TPP2: variants seen among roughly 807,000 people sequenced by gnomAD.
TPP2 encodes tripeptidyl-peptidase 2.
In TPP2, 34 loss-of-function variants were observed where a neutral mutation model predicts 155.9. That is an observed-to-expected ratio of 0.22 (90% CI 0.17 to 0.29). TPP2 has a LOEUF of 0.29. Ranked by LOEUF, TPP2 falls within the 10% of genes least tolerant of loss-of-function variation. The pLI is 1.00. For synonymous variants in TPP2, 510 were observed against 529.4 expected, an observed-to-expected ratio of 0.96 and a Z score of 0.50; for missense variants, 1,028 against 1,522.3, an observed-to-expected ratio of 0.68 and a Z score of 5.40.
chr13:102,677,092 C>T (rs943185305), intron 29 of TPP2, among the ~76,000 whole-genome samples: 5 of 152,162 alleles, frequency 3.3e-5, no homozygotes, highest in Admixed American at 2.6e-4. Context: ...GTAGGTTCCT[C>T]TGAAAATGTT....
At chr13:102,616,902 T>C (rs1217182876) in intron 4 of TPP2, among the ~76,000 whole-genome samples, 1 of 144,496 alleles carries the variant, frequency 6.9e-6, no homozygotes, top group Non-Finnish European at 1.5e-5. Flanking sequence ...TAGTATGGTT[T>C]TGTTTTTTGT....
At position 102,616,412 on chromosome 13, in the gene TPP2, A is replaced by T. The variant is rs1555298003; in HGVS notation, c.407A>T (p.Lys136Ile). The T allele has an allele frequency of 1.9e-6, 3 of 1,610,470 alleles. No homozygotes were observed. Among genetic ancestry groups the T allele is most frequent in the Non-Finnish European group, 2.5e-6 (3 of 1,178,876 alleles). The change falls in exon 4 of 30, where the codon AAA becomes ATA. Residue 136 changes from lysine to isoleucine, a missense_variant. Lys to Ile is a moderately radical substitution (Grantham distance 102). This residue lies in a region of TPP2 where 300 missense variants were observed against 398.3 expected (regional missense o/e 0.75). Coordinates refer to ENST00000376052, the MANE Select transcript of TPP2 (RefSeq NM_001330588.2). ...TCTTTGCAGAAAGAACGGAAGGAAAAAATCTGGGACCCTGTTCACAGAGTG... is the reference window on the plus strand; with the variant it reads ...TCTTTGCAGAAAGAACGGAAGGAAATAATCTGGGACCCTGTTCACAGAGTG... Reference protein sequence around the residue: ...KERIQKERKEKIWDPVHRVAL... With the variant: ...KERIQKERKEIIWDPVHRVAL...
intron 1 of TPP2, among the ~76,000 whole-genome samples, chr13:102,598,383 C>T (rs1186376746): frequency 6.6e-6 from 1 of 152,124 alleles, no homozygotes; most frequent in African/African-American, 2.4e-5. Context: ...TTGGAAGTAA[C>T]GAGGGGGAGT....
chr13:102,623,419 T>C (rs1881317181), intron 6 of TPP2, among the ~76,000 whole-genome samples: 1 of 152,130 alleles, frequency 6.6e-6, no homozygotes, highest in Admixed American at 6.5e-5. Flanking sequence ...TAGAATTAGC[T>C]GTGCGTGGTG....
Position 102,628,483 on chromosome 13 carries a change from C to T in TPP2, c.1016+559C>T, listed in dbSNP as rs199679901. Among the ~76,000 whole-genome samples the T allele has an allele frequency of 2.0e-5, 3 of 152,258 alleles. No homozygotes were observed. The East Asian group carries it at 5.8e-4, about 29-fold the overall frequency. ...AAACTTACTGTTGGTTGCGTATGTT[C>T]ACTAACTCGGTCAGTTTTCACATCT... On this transcript the variant is annotated intron_variant, in intron 8 of 29. Coordinates refer to ENST00000376052, the MANE Select transcript of TPP2 (RefSeq NM_001330588.2).
chr13:102,654,503 G>T (rs1328627285), intron 24 of TPP2, among the ~76,000 whole-genome samples: 1 of 151,960 alleles, frequency 6.6e-6, no homozygotes, highest in Non-Finnish European at 1.5e-5. Flanking sequence ...AATTTTAATA[G>T]ATTGTTCATT....
chr13:102,605,728 CT>C (rs71125079), intron 2 of TPP2, among the ~76,000 whole-genome samples: 15 of 135,976 alleles, frequency 1.1e-4, no homozygotes, highest in Admixed American at 2.2e-4. Flanking sequence ...TTCTTTTTTT[CT>C]TTTTTTTTTC....
intron 25 of TPP2, among the ~76,000 whole-genome samples, chr13:102,658,057 A>G (rs547122350): frequency 1.3e-5 from 2 of 152,174 alleles, no homozygotes; most frequent in Non-Finnish European, 2.9e-5. Context: ...AACTTTTTAC[A>G]TAAAAGATAT....
At chr13:102,660,807 A>G (rs944786716) in intron 25 of TPP2, among the ~76,000 whole-genome samples, 1 of 152,242 alleles carries the variant, frequency 6.6e-6, no homozygotes, top group Non-Finnish European at 1.5e-5. Flanking sequence ...AATAGAATTA[A>G]GAGTCCAGAA....
Position 102,636,298 on chromosome 13 carries a change from A to T in TPP2, c.1584A>T (p.Gly528=), listed in dbSNP as rs764145004. The T allele has an allele frequency of 6.2e-7, 1 of 1,613,848 alleles. No individual in the cohort carries two copies. Among genetic ancestry groups the T allele is most frequent in the Non-Finnish European group, 8.5e-7 (1 of 1,179,892 alleles). ...ANKLGFTVTV[G]NNRGIYLRDP... Reference sequence around the variant, plus strand: ...AATTAGGTTTTACTGTTACTGTTGGAAATAACCGTGGCATCTACCTCCGAG... The same window carrying T: ...AATTAGGTTTTACTGTTACTGTTGGTAATAACCGTGGCATCTACCTCCGAG... The change falls in exon 13 of 30, where the codon GGA becomes GGT. Residue 528 remains glycine (G), a synonymous_variant. Transcript: ENST00000376052.
chr13:102,623,156 GA>G (rs1323002514), intron 6 of TPP2, 116 bp downstream of exon 6: 2 of 1,123,870 alleles, frequency 1.8e-6, no homozygotes, highest in Non-Finnish European at 2.5e-6. Context: ...GTAGCTAAAG[GA>G]CTAGGTCCAG....
At chr13:102,672,217 G>T (rs1362030783) in intron 27 of TPP2, among the ~76,000 whole-genome samples, 1 of 152,158 alleles carries the variant, frequency 6.6e-6, no homozygotes, top group African/African-American at 2.4e-5. Context: ...AAGAGAGTTA[G>T]CAGTCCCCCT....
intron 2 of TPP2, among the ~76,000 whole-genome samples, chr13:102,609,933 A>T (rs1291156446): frequency 6.6e-6 from 1 of 152,098 alleles, no homozygotes; most frequent in Non-Finnish European, 1.5e-5. Context: ...TTTGGGCAGG[A>T]TGTGGGATGG....
intron 3 of TPP2, 146 bp downstream of exon 3, chr13:102,614,342 G>C (rs1400409810): frequency 3.2e-5 from 20 of 618,488 alleles, no homozygotes; most frequent in African/African-American, 5.6e-5. Flanking sequence ...AACAATGACT[G>C]CTTAAAGATT....
At chr13:102,625,735 A>G (rs1437075214) in intron 6 of TPP2, among the ~76,000 whole-genome samples, 1 of 152,258 alleles carries the variant, frequency 6.6e-6, no homozygotes, top group Non-Finnish European at 1.5e-5. Context: ...TGGCTAGAGC[A>G]GAGGAGTCTC....
At chr13:102,628,921 A>G (rs1013388728) in intron 8 of TPP2, among the ~76,000 whole-genome samples, 1 of 152,080 alleles carries the variant, frequency 6.6e-6, no homozygotes, top group African/African-American at 2.4e-5. Flanking sequence ...GGTCCTGTGC[A>G]TGGCTCTGTA....
chr13:102,636,327 C>G lies in TPP2; in HGVS notation c.1613C>G (p.Pro538Arg), dbSNP rs1267347890. The stretch of plus-strand genomic sequence containing the variant: ...AACCGTGGCATCTACCTCCGAGATC[C>G]TGTTCAGGTGGCTGCACCTTCAGAT... ...GNNRGIYLRD[P>R]VQVAAPSDHG... Residue 538 changes from proline to arginine, a missense_variant, in exon 13 of 30, where the codon CCT (proline) becomes CGT (arginine). By Grantham distance (103) the Pro-to-Arg change is moderately radical. Transcript: ENST00000376052. 2 of 1,613,830 alleles carry G rather than the reference C, an allele frequency of 1.2e-6. No homozygotes were observed. Among genetic ancestry groups the G allele is most frequent in the Admixed American group, 1.7e-5 (1 of 59,970 alleles).
At chr13:102,638,149 A>C in intron 14 of TPP2, 90 bp from the exon 15 acceptor site, 1 of 1,229,446 alleles carries the variant, frequency 8.1e-7, no homozygotes, top group South Asian at 1.2e-5. Flanking sequence ...TTAAAAGTAG[A>C]TTGATTTATT....
intron 11 of TPP2, among the ~76,000 whole-genome samples, chr13:102,634,867 A>G (rs937026544): frequency 2.6e-5 from 4 of 152,198 alleles, no homozygotes; most frequent in Non-Finnish European, 4.4e-5. Context: ...CTTTGGGTGT[A>G]CTGCACTCTG....
Sources: allele counts gnomAD v4.1 joint callset (sites outside exome capture counted in the v4.1 genomes callset), GRCh38; gene constraint gnomAD v4.1.1; regional missense constraint gnomAD v4.1.1; transcripts MANE v1.5; gene names NCBI Gene and HGNC (gene_info 2026-07-23, HGNC 2026-07-21).